AP3B1: variants seen among roughly 807,000 people sequenced by gnomAD.
AP3B1 encodes the protein AP-3 complex subunit beta-1.
In AP3B1, 61 loss-of-function variants were observed where a neutral mutation model predicts 132.5. The ratio of observed to expected loss-of-function variants is 0.46; its 90% CI spans 0.37 to 0.57. The LOEUF is 0.57. AP3B1 is among the 20% of genes least tolerant of loss of function. The probability of loss-of-function intolerance (pLI) is 0.00; values close to 1 mark genes in which losing one functional copy is unlikely to be tolerated. For missense variants in AP3B1, 1,120 were observed against 1,289.4 expected, an observed-to-expected ratio of 0.87 and a Z score of 2.01; for synonymous variants, 388 against 438.3, an observed-to-expected ratio of 0.89 and a Z score of 1.43.
At chr5:78,220,490 C>T (rs533046382) in intron 6 of AP3B1, among the ~76,000 whole-genome samples, 174 of 151,724 alleles carry the variant, frequency 1.1e-3, no homozygotes, top group African/African-American at 4.0e-3. Flanking sequence ...AGAAAAAAAA[C>T]TGCCTGGAAC....
chr5:78,054,202 G>C (rs942315802), intron 22 of AP3B1, among the ~76,000 whole-genome samples: 27 of 152,272 alleles, frequency 1.8e-4, no homozygotes, highest in African/African-American at 6.3e-4. Flanking sequence ...GTTCAGTGGA[G>C]GTGAAGTTAT....
At chr5:78,208,127 G>A (rs1298699554) in intron 7 of AP3B1, among the ~76,000 whole-genome samples, 3 of 152,040 alleles carry the variant, frequency 2.0e-5, no homozygotes, top group Non-Finnish European at 2.9e-5. Context: ...GAAAGCCTAA[G>A]AAATAGGATT....
At chr5:78,265,364 G>A (rs955467653) in intron 2 of AP3B1, among the ~76,000 whole-genome samples, 3 of 152,094 alleles carry the variant, frequency 2.0e-5, no homozygotes, top group African/African-American at 7.2e-5. Context: ...GATCGCTTGG[G>A]CTCAGGAGTT....
At chr5:78,054,412 G>A (rs1323846284) in intron 22 of AP3B1, among the ~76,000 whole-genome samples, 2 of 152,116 alleles carry the variant, frequency 1.3e-5, no homozygotes, top group Non-Finnish European at 2.9e-5. Flanking sequence ...AGATGGAATG[G>A]GCCCCATAAG....
At chr5:78,279,646 T>G (rs963540932) in intron 1 of AP3B1, among the ~76,000 whole-genome samples, 1 of 151,832 alleles carries the variant, frequency 6.6e-6, no homozygotes, top group African/African-American at 2.4e-5. Flanking sequence ...CTGTGACTCA[T>G]GCCTGCAATC....
intron 1 of AP3B1, among the ~76,000 whole-genome samples, chr5:78,289,246 T>TA (rs1370215478): frequency 6.6e-6 from 1 of 152,232 alleles, no homozygotes; most frequent in Non-Finnish European, 1.5e-5. Context: ...CAGACACATG[T>TA]AATCTTCCTA....
intron 11 of AP3B1, among the ~76,000 whole-genome samples, chr5:78,174,997 A>C (rs1477866238): frequency 1.3e-5 from 2 of 152,254 alleles, no homozygotes; most frequent in African/African-American, 4.8e-5. Flanking sequence ...AGCAGTGAGC[A>C]AGGCTCTGTG....
At chr5:78,281,110 A>G (rs529858090) in intron 1 of AP3B1, among the ~76,000 whole-genome samples, 3 of 152,328 alleles carry the variant, frequency 2.0e-5, no homozygotes, top group South Asian at 4.1e-4. Context: ...CTTAAGTTTT[A>G]TGTGATTATT....
At chr5:78,180,362 G>A (rs561069011) in intron 8 of AP3B1, among the ~76,000 whole-genome samples, 71 of 151,990 alleles carry the variant, frequency 4.7e-4, no homozygotes, top group Middle Eastern at 3.4e-3. Context: ...ACCTAAATCC[G>A]TCAAGCCTTT....
chr5:78,142,378 ATT>A (rs894329097), intron 14 of AP3B1, among the ~76,000 whole-genome samples: 3 of 152,160 alleles, frequency 2.0e-5, no homozygotes, highest in African/African-American at 7.2e-5. Context: ...CGCACAGAAA[ATT>A]TGTTTTTTAT....
At chr5:78,034,486 G>A (rs1397871057) in intron 23 of AP3B1, 41 bp from the exon 24 acceptor site, 14 of 1,455,816 alleles carry the variant, frequency 9.6e-6, no homozygotes, top group Non-Finnish European at 1.4e-5. Flanking sequence ...CACAGAGGAT[G>A]TGAAAAAGAG....
intron 1 of AP3B1, among the ~76,000 whole-genome samples, chr5:78,279,292 T>C (rs1187810372): frequency 6.6e-6 from 1 of 152,194 alleles, no homozygotes; most frequent in Non-Finnish European, 1.5e-5. Context: ...TATTAACTTA[T>C]TTAGCCACGT....
intron 22 of AP3B1, among the ~76,000 whole-genome samples, chr5:78,055,562 A>C (rs1285422711): frequency 2.0e-5 from 3 of 152,210 alleles, no homozygotes; most frequent in Non-Finnish European, 4.4e-5. Context: ...GCATAAGAGA[A>C]AAAATAGTGG....
intron 1 of AP3B1, among the ~76,000 whole-genome samples, chr5:78,282,848 C>CACA (rs369443946): frequency 1.5e-5 from 2 of 129,378 alleles, no homozygotes; most frequent in African/African-American, 5.8e-5. Flanking sequence ...TTGTCTCTAC[C>CACA]AAAAAAAAAA....
chr5:78,070,873 G>T (rs1216720992), intron 22 of AP3B1, among the ~76,000 whole-genome samples: 1 of 152,146 alleles, frequency 6.6e-6, no homozygotes, highest in Non-Finnish European at 1.5e-5. Flanking sequence ...ACCATCTCAT[G>T]CCAGTCAGAA....
At chr5:78,036,948 A>G (rs1190003586) in intron 23 of AP3B1, among the ~76,000 whole-genome samples, 2 of 152,168 alleles carry the variant, frequency 1.3e-5, no homozygotes, top group Admixed American at 1.3e-4. Context: ...GGTGTTACAT[A>G]CAAGTACATA....
chr5:78,216,254 T>C lies in AP3B1; in HGVS notation c.604-17A>G, dbSNP rs755235567. 1.2e-6 allele frequency: 2 copies of C among 1,610,444 alleles called. No homozygotes were observed. Among genetic ancestry groups the C allele is most frequent in the African/African-American group, 2.7e-5 (2 of 74,862 alleles). ...AGCTACCAACTAGAAAAGAAAGAAA[T>C]AGTAACTTATTAAAAAATGTTTCTC... On this transcript the variant is annotated splice_polypyrimidine_tract_variant and intron_variant, in intron 6 of 26. Transcript: ENST00000255194.
At chr5:78,223,694 T>C (rs1169960499) in intron 6 of AP3B1, among the ~76,000 whole-genome samples, 3 of 152,202 alleles carry the variant, frequency 2.0e-5, no homozygotes, top group Non-Finnish European at 4.4e-5. Flanking sequence ...GAGGGTTTTA[T>C]ATACAATAGT....
chr5:78,254,423 C>T (rs969356882), intron 2 of AP3B1, among the ~76,000 whole-genome samples: 1 of 152,094 alleles, frequency 6.6e-6, no homozygotes, highest in Non-Finnish European at 1.5e-5. Context: ...AATAATCAGA[C>T]TCCCAAAGGT....
Sources: allele counts gnomAD v4.1 joint callset (sites outside exome capture counted in the v4.1 genomes callset), GRCh38; gene constraint gnomAD v4.1.1; transcripts MANE v1.5; gene names NCBI Gene and HGNC (gene_info 2026-07-23, HGNC 2026-07-21).